The following ZNF611 variants were observed in gnomAD, a reference collection of about 807,000 sequenced individuals.
ZNF611 encodes the protein zinc finger protein 611.
ZNF611 carries 6 observed loss-of-function variants against 8.9 expected under a neutral mutation model. The ratio of observed to expected loss-of-function variants is 0.68; its 90% CI spans 0.37 to 1.34. The LOEUF (loss-of-function observed/expected upper bound fraction) is 1.34. Among genes scored for constraint, ZNF611 ranks in the 40% most tolerant of loss-of-function variants. ZNF611 has a pLI of 0.02. For missense variants in ZNF611, 874 were observed against 841.3 expected (o/e 1.04, Z -0.48); for synonymous variants, 262 against 279.7 (o/e 0.94, Z 0.63).
Position 52,706,696 on chromosome 19 carries a change from T to C in ZNF611, c.359A>G (p.Asp120Gly). The C allele has an allele frequency of 6.2e-7, 1 of 1,614,160 alleles. No individual in the cohort carries two copies. Among genetic ancestry groups the C allele is most frequent in the Non-Finnish European group, 8.5e-7 (1 of 1,180,020 alleles). ...IHDIEFQCQE[D>G]ERNGLEAPMT... ...GGGTGCTTCAAGGCCATTTCTTTCA[T>C]CTTCTTGACACTGAAACTCAATGTC... Residue 120 changes from aspartate (D) to glycine (G), a missense_variant, in exon 6 of 6, where the codon GAT becomes GGT. By Grantham distance (94) the Asp-to-Gly change is moderately conservative (BLOSUM62 -1). Coordinates refer to ENST00000652185, the MANE Select transcript of ZNF611 (RefSeq NM_001161499.2).
chr19:52,715,568 C>G (rs1377256255), intron 4 of ZNF611, among the ~76,000 whole-genome samples: 2 of 152,180 alleles, frequency 1.3e-5, no homozygotes, highest in Non-Finnish European at 2.9e-5. Context: ...CTGACATCAA[C>G]GGGCTCACAC....
Position 52,704,829 on chromosome 19 carries a change from A to G in ZNF611, c.*108T>C. On this transcript the variant is annotated 3_prime_UTR_variant, in exon 6 of 6. Coordinates refer to ENST00000652185, the MANE Select transcript of ZNF611 (RefSeq NM_001161499.2). The stretch of plus-strand genomic sequence containing the variant: ...GTTGTTCCAGGTGTGAATCACTCCC[A>G]AGTCTTGTCAGAAACCTTACATTTG... The G allele has an allele frequency of 6.2e-7, 1 of 1,604,694 alleles. No homozygotes were observed. Among genetic ancestry groups the G allele is most frequent in the Non-Finnish European group, 8.5e-7 (1 of 1,172,728 alleles).
At chr19:52,726,515 G>A (rs2062394421) in intron 3 of ZNF611, among the ~76,000 whole-genome samples, 2 of 151,896 alleles carry the variant, frequency 1.3e-5, no homozygotes, top group African/African-American at 4.8e-5. Flanking sequence ...CCACCTCCCG[G>A]GTTCACGCCA....
At chr19:52,715,994 C>A in intron 3 of ZNF611, 81 bp from the exon 4 acceptor site, 2 of 1,524,230 alleles carry the variant, frequency 1.3e-6, no homozygotes. Context: ...ACGGGGGAGA[C>A]GTCACCCTGT....
rs535497761 is a variant in ZNF611 at position 52,711,686 on chromosome 19, G to C, written c.190+2329C>G. Among the ~76,000 whole-genome samples the C allele has an allele frequency of 6.6e-3, 1,004 of 152,246 alleles. 4 individuals are homozygous for C. The highest frequency in any genetic ancestry group is 0.021 in the African/African-American group (860 of 41,504). On this transcript the variant is annotated intron_variant, in intron 5 of 5. Transcript: ENST00000652185. ...CCTCATGGATCATGTGCTGAGTCAT[G>C]ATGTCCTGCACACACTGATTTAAGC... is the stretch of plus-strand genomic sequence containing the variant.
intron 4 of ZNF611, 146 bp downstream of exon 4, chr19:52,715,686 C>G (rs1210509988): frequency 6.1e-6 from 8 of 1,308,720 alleles, no homozygotes; most frequent in African/African-American, 1.5e-5. Context: ...CTCAGAGCAG[C>G]TGAGAGGAAC....
chr19:52,706,936 G>C (rs1248560181), intron 5 of ZNF611, 72 bp from the exon 6 acceptor site: 1 of 1,524,286 alleles, frequency 6.6e-7, no homozygotes, highest in South Asian at 1.3e-5. Context: ...GCATAAATAT[G>C]ACACAAAAAA....
intron 5 of ZNF611, among the ~76,000 whole-genome samples, chr19:52,709,509 G>A (rs2062266179): frequency 6.6e-6 from 1 of 152,126 alleles, no homozygotes; most frequent in Non-Finnish European, 1.5e-5. Flanking sequence ...TTGACCTCAT[G>A]ATCCGCCCTC....
At chr19:52,719,044 C>T (rs2062336894) in intron 3 of ZNF611, among the ~76,000 whole-genome samples, 1 of 151,966 alleles carries the variant, frequency 6.6e-6, no homozygotes, top group Non-Finnish European at 1.5e-5. Context: ...GTGGCAGCTG[C>T]CTATAATCCC....
intron 1 of ZNF611, among the ~76,000 whole-genome samples, chr19:52,730,919 G>A (rs1381239490): frequency 6.6e-6 from 1 of 152,042 alleles, no homozygotes; most frequent in African/African-American, 2.4e-5. Context: ...ACATTAAAGA[G>A]CTGATTGTTA....
At chr19:52,722,058 T>A (rs2062363567) in intron 3 of ZNF611, among the ~76,000 whole-genome samples, 2 of 150,196 alleles carry the variant, frequency 1.3e-5, no homozygotes, top group Admixed American at 6.6e-5. Flanking sequence ...TGCAAAATAA[T>A]AATAATAATA....
intron 1 of ZNF611, among the ~76,000 whole-genome samples, chr19:52,731,224 G>A (rs953573397): frequency 6.6e-6 from 1 of 152,028 alleles, no homozygotes; most frequent in Admixed American, 6.5e-5. Flanking sequence ...GTGCCACCAC[G>A]CTCAGCTAAT....
intron 3 of ZNF611, among the ~76,000 whole-genome samples, chr19:52,717,521 T>C (rs2062325901): frequency 6.6e-6 from 1 of 152,060 alleles, no homozygotes; most frequent in Admixed American, 6.5e-5. Flanking sequence ...AAGTAGGAGA[T>C]GAGGAGAAAA....
At chr19:52,713,976 A>G (rs768641493) in intron 5 of ZNF611, 39 bp downstream of exon 5, 66 of 1,611,484 alleles carry the variant, frequency 4.1e-5, no homozygotes, top group East Asian at 1.3e-4. Context: ...AAGATAGACA[A>G]GAGCAGACTC....
chr19:52,721,954 G>A (rs555665264), intron 3 of ZNF611, among the ~76,000 whole-genome samples: 12 of 152,140 alleles, frequency 7.9e-5, no homozygotes, highest in African/African-American at 2.2e-4. Flanking sequence ...GGGTAGTATC[G>A]CAGGAGAATC....
At chr19:52,720,686 C>T (rs1247618164) in intron 3 of ZNF611, among the ~76,000 whole-genome samples, 4 of 143,122 alleles carry the variant, frequency 2.8e-5, no homozygotes, top group East Asian at 2.3e-4. Flanking sequence ...TGGGCAGAGG[C>T]GCTCCCCACC....
chr19:52,705,353 A>C lies in ZNF611; in HGVS notation c.1702T>G (p.Cys568Gly), dbSNP rs1170381227. ...RIHSGEKPYK[C>G]NECSKTFSHR... ...CTGAAGGTCTTGCTGCACTCATTACACTTGTAAGGTTTCTCTCCACTATGA... is the reference window on the plus strand; with the variant it reads ...CTGAAGGTCTTGCTGCACTCATTACCCTTGTAAGGTTTCTCTCCACTATGA... Residue 568 changes from cysteine (C) to glycine (G), a missense_variant, in exon 6 of 6, where the codon TGT becomes GGT. By Grantham distance (159) the Cys-to-Gly change is radical. Coordinates refer to ENST00000652185, the MANE Select transcript of ZNF611 (RefSeq NM_001161499.2). The C allele has an allele frequency of 1.2e-5, 20 of 1,614,028 alleles. No homozygotes were observed. The highest frequency in any genetic ancestry group is 1.5e-5 in the Non-Finnish European group (18 of 1,180,036).
In ZNF611 at chr19:52,733,486, G is replaced by A. The variant is rs183700799; in HGVS notation, c.-222+1515C>T. ...CGGTTATTTACTTACTTTTTTGGCG[G>A]GGGGGAGGTCTCACTATGTTGCCCA... is the stretch of plus-strand genomic sequence containing the variant. On this transcript the variant is annotated intron_variant, in intron 1 of 5. Coordinates refer to ENST00000652185, the MANE Select transcript of ZNF611 (RefSeq NM_001161499.2). Among the ~76,000 whole-genome samples the A allele has an allele frequency of 9.2e-5, 14 of 152,092 alleles. 1 individual carries two copies. The East Asian group carries it at 2.7e-3, about 29-fold the overall frequency.
chr19:52,714,428 T>C (rs1183451269), intron 4 of ZNF611, among the ~76,000 whole-genome samples: 5 of 151,914 alleles, frequency 3.3e-5, no homozygotes, highest in Non-Finnish European at 5.9e-5. Flanking sequence ...CAGTTCACGC[T>C]TGTAATCCCA....
Sources: allele counts gnomAD v4.1 joint callset (sites outside exome capture counted in the v4.1 genomes callset), GRCh38; gene constraint gnomAD v4.1.1; transcripts MANE v1.5; gene names NCBI Gene and HGNC (gene_info 2026-07-23, HGNC 2026-07-21).